Variants in ROBO1 observed in about 807,000 individuals in gnomAD.
The protein encoded by ROBO1 is roundabout homolog 1.
In ROBO1, 149 loss-of-function variants were observed where a neutral mutation model predicts 195.9. The observed-to-expected ratio is 0.76, with a 90% CI of 0.67 to 0.87. ROBO1 has a LOEUF of 0.87. ROBO1 is among the 40% of genes least tolerant of loss of function. The pLI, the probability that ROBO1 is intolerant of heterozygous loss-of-function variation, is 0.00. For synonymous variants in ROBO1, 816 were observed against 733.2 expected (o/e 1.11, Z -1.82); for missense variants, 1,933 against 2,068.3 (o/e 0.93, Z 1.27).
chr3:79,560,091 T>TA (rs1169033399), intron 2 of ROBO1, among the ~76,000 whole-genome samples: 54 of 151,984 alleles, frequency 3.6e-4, no homozygotes, highest in Non-Finnish European at 7.4e-5. Flanking sequence ...TATTAACACT[T>TA]ACTCACGTTA....
chr3:79,649,777 G>C (rs1945945607), intron 1 of ROBO1, among the ~76,000 whole-genome samples: 1 of 152,062 alleles, frequency 6.6e-6, no homozygotes, highest in Non-Finnish European at 1.5e-5. Context: ...AATGAACATG[G>C]GCACTATCCA....
chr3:79,621,437 A>C (rs950745037), intron 1 of ROBO1, among the ~76,000 whole-genome samples: 12 of 152,152 alleles, frequency 7.9e-5, no homozygotes, highest in African/African-American at 2.7e-4. Context: ...ATGGACGTGC[A>C]TGACACTTAT....
chr3:79,651,817 C>G (rs13074804), intron 1 of ROBO1, among the ~76,000 whole-genome samples: 41,501 of 152,068 alleles, frequency 0.27, 6,875 homozygotes, highest in East Asian at 0.51. Flanking sequence ...ACTGAAAAAT[C>G]TATTAAGTGT....
intron 3 of ROBO1, chr3:79,018,549 C>CA: frequency 6.3e-7 from 1 of 1,579,734 alleles, no homozygotes; most frequent in Middle Eastern, 1.7e-4. Flanking sequence ...ACACACCACA[C>CA]ACAAAGGCTT....
intron 4 of ROBO1, among the ~76,000 whole-genome samples, chr3:78,807,478 G>A (rs1165677822): frequency 6.6e-6 from 1 of 152,036 alleles, no homozygotes; most frequent in Non-Finnish European, 1.5e-5. Context: ...TCTTCTTTTG[G>A]TGAAAAATGT....
At chr3:78,708,588 G>A (rs1259104324) in intron 8 of ROBO1, among the ~76,000 whole-genome samples, 4 of 152,026 alleles carry the variant, frequency 2.6e-5, no homozygotes, top group African/African-American at 9.7e-5. Context: ...ATACGTAATG[G>A]ATTTAGATTA....
intron 1 of ROBO1, among the ~76,000 whole-genome samples, chr3:79,702,277 A>T (rs1170454337): frequency 6.6e-6 from 1 of 151,922 alleles, no homozygotes; most frequent in Non-Finnish European, 1.5e-5. Context: ...TTAAGCAATG[A>T]CAATGTCTAA....
chr3:78,701,214 A>T (rs2081412538), intron 8 of ROBO1, among the ~76,000 whole-genome samples: 1 of 152,248 alleles, frequency 6.6e-6, no homozygotes, highest in Non-Finnish European at 1.5e-5. Flanking sequence ...TTTAACAAGA[A>T]ATGATTTAAA....
At chr3:79,617,638 C>A (rs1408900866) in intron 1 of ROBO1, among the ~76,000 whole-genome samples, 1 of 151,966 alleles carries the variant, frequency 6.6e-6, no homozygotes, top group African/African-American at 2.4e-5. Context: ...AGAGTAAGAA[C>A]TCTTACAGTA....
chr3:79,213,226 C>G (rs1420908278), intron 2 of ROBO1, among the ~76,000 whole-genome samples: 1 of 150,976 alleles, frequency 6.6e-6, no homozygotes, highest in Non-Finnish European at 1.5e-5. Context: ...GCCTGTATGA[C>G]AGAGAGAGAC....
At chr3:78,790,196 C>G (rs2083975030) in intron 4 of ROBO1, among the ~76,000 whole-genome samples, 1 of 152,088 alleles carries the variant, frequency 6.6e-6, no homozygotes, top group Non-Finnish European at 1.5e-5. Context: ...CAAAAGTTAC[C>G]AACACATCCA....
intron 2 of ROBO1, among the ~76,000 whole-genome samples, chr3:79,312,934 A>G (rs1443557664): frequency 1.3e-5 from 2 of 152,316 alleles, no homozygotes; most frequent in South Asian, 4.1e-4. Context: ...AGATGAAACA[A>G]AAGTCATCAT....
chr3:79,643,424 C>T (rs1451759749), intron 1 of ROBO1, among the ~76,000 whole-genome samples: 1 of 152,108 alleles, frequency 6.6e-6, no homozygotes, highest in Non-Finnish European at 1.5e-5. Flanking sequence ...TACATCTATC[C>T]TATTAGTTCT....
chr3:79,512,831 C>A (rs1575947294), intron 2 of ROBO1: 1 of 152,114 alleles, frequency 6.6e-6, no homozygotes, highest in South Asian at 2.1e-4. Context: ...TTAATGCAAG[C>A]CGTTGAAAAA....
chr3:78,609,535 G>T (rs528725868), intron 28 of ROBO1, among the ~76,000 whole-genome samples: 1 of 152,080 alleles, frequency 6.6e-6, no homozygotes, highest in African/African-American at 2.4e-5. Flanking sequence ...AATGGATTGC[G>T]CTTTTTTCAC....
At chr3:79,272,486 C>T (rs539081359) in intron 2 of ROBO1, among the ~76,000 whole-genome samples, 1 of 152,106 alleles carries the variant, frequency 6.6e-6, no homozygotes, top group African/African-American at 2.4e-5. Context: ...CTGGTTTTAA[C>T]ATCATATTAA....
chr3:79,064,371 C>T (rs1375135436), intron 3 of ROBO1, among the ~76,000 whole-genome samples: 1 of 151,852 alleles, frequency 6.6e-6, no homozygotes, highest in African/African-American at 2.4e-5. Context: ...TCCTCTCAGT[C>T]TCCTGTACTT....
chr3:78,879,567 C>T (rs1055966503), intron 4 of ROBO1, among the ~76,000 whole-genome samples: 3 of 151,708 alleles, frequency 2.0e-5, no homozygotes, highest in African/African-American at 7.3e-5. Context: ...TGTATGATAG[C>T]CTAATTAGGG....
At chr3:78,708,581 C>T (rs749862530) in intron 8 of ROBO1, among the ~76,000 whole-genome samples, 2 of 151,964 alleles carry the variant, frequency 1.3e-5, no homozygotes, top group Non-Finnish European at 1.5e-5. Flanking sequence ...CTAATAAATA[C>T]GTAATGGATT....
Sources: allele counts gnomAD v4.1 joint callset (sites outside exome capture counted in the v4.1 genomes callset), GRCh38; gene constraint gnomAD v4.1.1; transcripts MANE v1.5; gene names NCBI Gene and HGNC (gene_info 2026-07-23, HGNC 2026-07-21).